The following MAP1B variants were observed in gnomAD, a reference collection of about 807,000 sequenced individuals.
MAP1B encodes microtubule associated protein 1B, also known as microtubule-associated protein 1B.
In MAP1B, 12 loss-of-function variants were observed where a neutral mutation model predicts 176.1. The observed-to-expected ratio is 0.07, with a 90% CI of 0.04 to 0.11. The LOEUF (loss-of-function observed/expected upper bound fraction) is 0.11. MAP1B is among the 10% of genes least tolerant of loss of function. MAP1B has a pLI of 1.00. For synonymous variants in MAP1B, 1,044 were observed against 1,135.0 expected, an observed-to-expected ratio of 0.92 and a Z score of 1.61; for missense variants, 2,523 against 2,990.5, an observed-to-expected ratio of 0.84 and a Z score of 3.65.
At chr5:72,177,860 A>C (rs1156931990) in intron 2 of MAP1B, among the ~76,000 whole-genome samples, 2 of 152,134 alleles carry the variant, frequency 1.3e-5, no homozygotes, top group Non-Finnish European at 2.9e-5. Flanking sequence ...CGCTCAAAAA[A>C]ATTTACTTTG....
intron 3 of MAP1B, among the ~76,000 whole-genome samples, chr5:72,184,557 G>T (rs1175902030): frequency 6.6e-6 from 1 of 152,208 alleles, no homozygotes; most frequent in African/African-American, 2.4e-5. Flanking sequence ...ATATGAAACT[G>T]TTGCTATGGA....
At chr5:72,180,423 A>C (rs1379034272) in intron 2 of MAP1B, among the ~76,000 whole-genome samples, 1 of 152,196 alleles carries the variant, frequency 6.6e-6, no homozygotes, top group Admixed American at 6.5e-5. Flanking sequence ...AAGACCACTG[A>C]TGGAAAGACC....
chr5:72,112,005 T>A (rs1745351995), intron 1 of MAP1B, among the ~76,000 whole-genome samples: 1 of 152,168 alleles, frequency 6.6e-6, no homozygotes, highest in Non-Finnish European at 1.5e-5. Flanking sequence ...AAAATAAGAA[T>A]TTTTTCCTCT....
intron 2 of MAP1B, among the ~76,000 whole-genome samples, chr5:72,157,102 G>A (rs965874507): frequency 6.6e-6 from 1 of 152,226 alleles, no homozygotes; most frequent in Non-Finnish European, 1.5e-5. Context: ...TCAGTGCTTA[G>A]AAAATGTGTG....
chr5:72,133,476 C>G (rs1312555819), intron 2 of MAP1B, among the ~76,000 whole-genome samples: 1 of 152,090 alleles, frequency 6.6e-6, no homozygotes, highest in African/African-American at 2.4e-5. Context: ...ACTTTCCAAC[C>G]TTCTTTGAGT....
rs955162472 is a variant in MAP1B, at chr5:72,167,781, A to AT, written c.287-15954dup. Among the ~76,000 whole-genome samples, 85 of 152,142 alleles carry AT rather than the reference A, an allele frequency of 5.6e-4. 1 individual carries two copies. Among genetic ancestry groups the AT allele is most frequent in the Middle Eastern group, 3.4e-3 (1 of 294 alleles). On this transcript the variant is annotated intron_variant, in intron 2 of 6. Coordinates refer to ENST00000296755, the MANE Select transcript of MAP1B (RefSeq NM_005909.5). ...ACTTTCTTTCCCCCAGTAACCCTTC[A>AT]TTTTTTTTAAATAAAAAAGTAACAT... is the stretch of plus-strand genomic sequence containing the variant.
chr5:72,182,736 G>C (rs1460588599), intron 2 of MAP1B, among the ~76,000 whole-genome samples: 3 of 152,056 alleles, frequency 2.0e-5, no homozygotes, highest in African/African-American at 7.2e-5. Flanking sequence ...ATTTCCTCCT[G>C]CTGCCTGAGA....
In MAP1B at chr5:72,203,814, C is replaced by T. The variant is rs764639549; in HGVS notation, c.7251+13C>T. On this transcript the variant is annotated intron_variant, in intron 6 of 6. Transcript: ENST00000296755. The stretch of plus-strand genomic sequence containing the variant: ...CAGCAACATGCAGGTGAGAACTCCT[C>T]GACAGTGTCTGCACTGCCGATTGAG... The T allele has an allele frequency of 9.3e-6, 15 of 1,608,584 alleles. No individual in the cohort carries two copies. Among genetic ancestry groups the T allele is most frequent in the African/African-American group, 5.4e-5 (4 of 74,758 alleles).
intron 2 of MAP1B, among the ~76,000 whole-genome samples, chr5:72,121,003 T>G (rs1745517707): frequency 6.6e-6 from 1 of 152,218 alleles, no homozygotes; most frequent in African/African-American, 2.4e-5. Flanking sequence ...GCTGACTATG[T>G]GTAAAGGGTG....
In MAP1B at chr5:72,136,357, A is replaced by G. The variant is rs1411352341; in HGVS notation, c.286+20558A>G. ...ACAAACAGGAAATCAGCAATTGACT[A>G]TGGAAGCTGAAATTGCTGTCTGGAG... is the stretch of plus-strand genomic sequence containing the variant. On this transcript the variant is annotated intron_variant, in intron 2 of 6. Coordinates refer to ENST00000296755, the MANE Select transcript of MAP1B (RefSeq NM_005909.5). Among the ~76,000 whole-genome samples the G allele has an allele frequency of 2.6e-5, 4 of 152,316 alleles. No individual in the cohort carries two copies. The East Asian group carries it at 5.8e-4, about 22-fold the overall frequency.
Position 72,166,048 on chromosome 5 carries a change from A to G in MAP1B, c.287-17695A>G. ...ACAGGGCTCAGTGTTACTTGCTCCAAATGACACTAGTGGCAAGAGGACTTA... is the reference window on the plus strand; with the variant it reads ...ACAGGGCTCAGTGTTACTTGCTCCAGATGACACTAGTGGCAAGAGGACTTA... On this transcript the variant is annotated intron_variant, in intron 2 of 6. Transcript: ENST00000296755. Among the ~76,000 whole-genome samples, 2 of 152,184 alleles carry G rather than the reference A, an allele frequency of 1.3e-5. 1 individual carries two copies. Among genetic ancestry groups the G allele is most frequent in the East Asian group, 3.8e-4 (2 of 5,196 alleles).
intron 4 of MAP1B, among the ~76,000 whole-genome samples, chr5:72,189,771 A>G (rs982715167): frequency 6.6e-6 from 1 of 152,188 alleles, no homozygotes; most frequent in African/African-American, 2.4e-5. Flanking sequence ...TATGGGGGGA[A>G]TTCAGGAGTT....
At chr5:72,128,667 G>A (rs1579986500) in intron 2 of MAP1B, among the ~76,000 whole-genome samples, 1 of 152,010 alleles carries the variant, frequency 6.6e-6, no homozygotes, top group East Asian at 1.9e-4. Context: ...TTTGAGAAAG[G>A]GTCTCACTCT....
chr5:72,155,188 C>T (rs1380653986), intron 2 of MAP1B, among the ~76,000 whole-genome samples: 1 of 152,130 alleles, frequency 6.6e-6, no homozygotes, highest in Non-Finnish European at 1.5e-5. Flanking sequence ...TTGTTAAACT[C>T]CTCAAGAGTA....
At chr5:72,108,916 G>T (rs762289957) in intron 1 of MAP1B, among the ~76,000 whole-genome samples, 2 of 152,190 alleles carry the variant, frequency 1.3e-5, no homozygotes, top group Non-Finnish European at 2.9e-5. Context: ...CCCAGCCCGC[G>T]CTCTATTCTC....
intron 1 of MAP1B, among the ~76,000 whole-genome samples, chr5:72,114,781 A>G (rs1745403903): frequency 6.6e-6 from 1 of 152,208 alleles, no homozygotes; most frequent in African/African-American, 2.4e-5. Flanking sequence ...GCTAGAGAGT[A>G]GGGCATGAGC....
Position 72,196,164 on chromosome 5 carries a change from T to G in MAP1B, c.2809T>G (p.Ser937Ala). 1 of 1,613,278 alleles carries G rather than the reference T, an allele frequency of 6.2e-7. No individual in the cohort carries two copies. The highest frequency in any genetic ancestry group is 8.5e-7 in the Non-Finnish European group (1 of 1,179,930). The change falls in exon 5 of 7, where the codon TCA (serine) becomes GCA (alanine). Residue 937 changes from serine (S) to alanine (A), a missense_variant. Physicochemically the swap from Ser to Ala is moderately conservative, Grantham distance 99. Coordinates refer to ENST00000296755, the MANE Select transcript of MAP1B (RefSeq NM_005909.5). The surrounding 1 kb of genome is among the most constrained non-coding windows in gnomAD (Gnocchi z 5.3). ...EDEGAGFEESSETGDYEEKAE... is the reference protein window; with the variant it reads ...EDEGAGFEESAETGDYEEKAE... ...TGAAGGAGCCGGTTTTGAAGAATCT[T>G]CAGAGACTGGAGACTATGAAGAGAA...
intron 2 of MAP1B, among the ~76,000 whole-genome samples, chr5:72,139,141 T>C (rs1371144866): frequency 6.6e-6 from 1 of 152,160 alleles, no homozygotes; most frequent in Non-Finnish European, 1.5e-5. Context: ...CAAAATAGTA[T>C]GTGGTAGAAT....
rs748438393 is a variant in MAP1B, at chr5:72,195,442, C to G, written c.2087C>G (p.Pro696Arg). 2.5e-6 allele frequency: 4 copies of G among 1,572,048 alleles called. No homozygotes were observed. The South Asian group carries it at 3.6e-5, about 14-fold the overall frequency. The part of the protein sequence containing the change: ...KEIKKEEKKE[P>R]KKEVKKETPP... ...ATCAAGAAAGAAGAGAAAAAAGAACCCAAGAAAGAGGTTAAGAAAGAAACA... is the reference window on the plus strand; with the variant it reads ...ATCAAGAAAGAAGAGAAAAAAGAACGCAAGAAAGAGGTTAAGAAAGAAACA... The change falls in exon 5 of 7, where the codon CCC (proline) becomes CGC (arginine). Residue 696 changes from proline to arginine, a missense_variant. Transcript: ENST00000296755.
Sources: gnomAD v4.1 joint callset for allele counts (sites outside exome capture counted in the v4.1 genomes callset) on GRCh38, gnomAD v4.1.1 for gene constraint, Gnocchi (gnomAD v3.1) non-coding constraint, MANE v1.5 for transcripts, NCBI Gene and HGNC (gene_info 2026-07-23, HGNC 2026-07-21) for gene names.